TMIGD3: variants seen among roughly 807,000 people sequenced by gnomAD.
The protein encoded by TMIGD3 is AD026 protein (AD026).
A neutral mutation model predicts 28.1 loss-of-function variants in TMIGD3; 21 were observed. The ratio of observed to expected loss-of-function variants is 0.75; its 90% CI spans 0.53 to 1.08. The LOEUF is 1.08. Ranked by LOEUF, TMIGD3 falls within the 50% of genes least tolerant of loss-of-function variation. TMIGD3 has a pLI of 0.00. For synonymous variants in TMIGD3, 151 were observed against 162.1 expected (o/e 0.93, Z 0.52); for missense variants, 416 against 435.6 (o/e 0.96, Z 0.40).
chr1:111,552,336 A>G (rs1657298214), intron 1 of TMIGD3, among the ~76,000 whole-genome samples: 1 of 152,200 alleles, frequency 6.6e-6, no homozygotes, highest in Non-Finnish European at 1.5e-5. Context: ...TAGAGATGGA[A>G]CGAAGGCAAG....
At chr1:111,534,492 G>T (rs186000614) in intron 1 of TMIGD3, among the ~76,000 whole-genome samples, 4 of 152,304 alleles carry the variant, frequency 2.6e-5, no homozygotes, top group Middle Eastern at 3.4e-3. Flanking sequence ...CGATTGCATT[G>T]TCTCACTCTT....
chr1:111,539,629 C>G (rs1436617136), intron 1 of TMIGD3, among the ~76,000 whole-genome samples: 2 of 152,144 alleles, frequency 1.3e-5, no homozygotes, highest in Non-Finnish European at 2.9e-5. Context: ...TTAAAAAACA[C>G]AAGGAACTAC....
intron 1 of TMIGD3, among the ~76,000 whole-genome samples, chr1:111,557,862 G>A (rs1657566283): frequency 6.6e-6 from 1 of 152,144 alleles, no homozygotes; most frequent in Non-Finnish European, 1.5e-5. Flanking sequence ...ATTAATCTGA[G>A]TAACAGCACT....
At chr1:111,537,298 C>T (rs993742798) in intron 1 of TMIGD3, among the ~76,000 whole-genome samples, 2 of 152,184 alleles carry the variant, frequency 1.3e-5, no homozygotes, top group East Asian at 3.9e-4. Context: ...AACATAGGGA[C>T]TATCCTTTTA....
At chr1:111,537,941 C>T (rs1029479110) in intron 1 of TMIGD3, among the ~76,000 whole-genome samples, 3 of 152,172 alleles carry the variant, frequency 2.0e-5, no homozygotes, top group African/African-American at 7.2e-5. Context: ...TCCCTGTACC[C>T]TAACTACTAA....
At chr1:111,563,812 C>A in intron 1 of TMIGD3, 1 of 1,564,328 alleles carries the variant, frequency 6.4e-7, no homozygotes, top group Non-Finnish European at 8.8e-7. Flanking sequence ...CCAACCTCTG[C>A]CTCCCAGCAG....
At chr1:111,558,410 C>T (rs1194073555) in intron 1 of TMIGD3, among the ~76,000 whole-genome samples, 1 of 151,700 alleles carries the variant, frequency 6.6e-6, no homozygotes, top group African/African-American at 2.4e-5. Flanking sequence ...TGGTCTTGAA[C>T]TCCTGGGCTC....
At chr1:111,542,351 G>T in intron 1 of TMIGD3, 1 of 381,400 alleles carries the variant, frequency 2.6e-6, no homozygotes, top group Non-Finnish European at 5.4e-6. Flanking sequence ...CCTTCCACGT[G>T]GGTGAAGGAC....
At chr1:111,523,481 A>T (rs1223519421) in intron 1 of TMIGD3, among the ~76,000 whole-genome samples, 1 of 152,110 alleles carries the variant, frequency 6.6e-6, no homozygotes, top group Admixed American at 6.6e-5. Context: ...ATAACAAAGC[A>T]ATGCTGGAAA....
At chr1:111,534,981 C>T (rs1339105629) in intron 1 of TMIGD3, among the ~76,000 whole-genome samples, 1 of 152,184 alleles carries the variant, frequency 6.6e-6, no homozygotes, top group African/African-American at 2.4e-5. Context: ...TAGGGGAACA[C>T]CCAGCTCACA....
intron 1 of TMIGD3, among the ~76,000 whole-genome samples, chr1:111,546,452 C>T (rs537715640): frequency 1.3e-5 from 2 of 152,206 alleles, no homozygotes; most frequent in East Asian, 3.9e-4. Context: ...TGGGAAGCAT[C>T]GTTCTTCTCC....
At chr1:111,511,711 T>C (rs1208864090) in intron 1 of TMIGD3, among the ~76,000 whole-genome samples, 1 of 119,062 alleles carries the variant, frequency 8.4e-6, no homozygotes, top group Non-Finnish European at 1.8e-5. Flanking sequence ...CCACATGCTC[T>C]TTCCATCCTC....
chr1:111,488,339 C>T (rs1366132157), intron 3 of TMIGD3, among the ~76,000 whole-genome samples: 3 of 152,092 alleles, frequency 2.0e-5, no homozygotes, highest in Non-Finnish European at 4.4e-5. Flanking sequence ...CTCACACAGA[C>T]ATTTAATAAC....
At chr1:111,542,878 A>G (rs1250466703) in intron 1 of TMIGD3, among the ~76,000 whole-genome samples, 2 of 151,904 alleles carry the variant, frequency 1.3e-5, no homozygotes, top group African/African-American at 4.8e-5. Context: ...TGCATTTTTA[A>G]TAGAGATGGG....
upstream of TMIGD3, chr1:111,503,773 G>A (rs1655374933): frequency 1.1e-5 from 11 of 1,020,802 alleles, no homozygotes; most frequent in African/African-American, 1.7e-5. Context: ...GGGCCAAGAG[G>A]AAGTACAGAG....
chr1:111,497,577 C>T (rs866889020), intron 1 of TMIGD3, among the ~76,000 whole-genome samples: 1 of 151,916 alleles, frequency 6.6e-6, no homozygotes, highest in East Asian at 1.9e-4. Flanking sequence ...AGGAGATTCC[C>T]GTTAGACAAA....
intron 1 of TMIGD3, among the ~76,000 whole-genome samples, chr1:111,524,028 C>CTTTTT (rs35046603): frequency 1.4e-3 from 149 of 108,748 alleles, no homozygotes; most frequent in African/African-American, 2.6e-3. Flanking sequence ...TCTTTCTTTT[C>CTTTTT]TTTTTTTTTT....
At chr1:111,528,915 T>A (rs1290519303) in intron 1 of TMIGD3, among the ~76,000 whole-genome samples, 6 of 152,032 alleles carry the variant, frequency 3.9e-5, no homozygotes, top group African/African-American at 1.4e-4. Context: ...GGTTTTTTCC[T>A]GTTTATTCTT....
chr1:111,539,633 G>A (rs551547307), intron 1 of TMIGD3, among the ~76,000 whole-genome samples: 7 of 152,156 alleles, frequency 4.6e-5, no homozygotes, highest in African/African-American at 1.7e-4. Context: ...AAAACACAAG[G>A]AACTACAGAA....
Sources: allele counts gnomAD v4.1 joint callset (sites outside exome capture counted in the v4.1 genomes callset), GRCh38; gene constraint gnomAD v4.1.1; transcripts MANE v1.5; gene names NCBI Gene and HGNC (gene_info 2026-07-23, HGNC 2026-07-21).